Variants in NRG1 observed in about 807,000 individuals in gnomAD.
NRG1 encodes the protein pro-neuregulin-1, membrane-bound isoform.
Under a neutral mutation model 63.8 loss-of-function variants are expected in NRG1, and 18 were observed. The ratio of observed to expected loss-of-function variants is 0.28; its 90% CI spans 0.19 to 0.42. The LOEUF (loss-of-function observed/expected upper bound fraction) is 0.42, where lower values mean the gene tolerates loss of function less well. NRG1 is among the 10% of genes least tolerant of loss of function. The pLI is 1.00. For synonymous variants in NRG1, 302 were observed against 301.3 expected (o/e 1.00, Z -0.02); for missense variants, 762 against 814.7 (o/e 0.94, Z 0.79).
At chr8:32,325,222 T>C (rs75113858) in intron 1 of NRG1, among the ~76,000 whole-genome samples, 3,137 of 152,308 alleles carry the variant, frequency 0.021, 97 homozygotes, top group African/African-American at 0.07. Flanking sequence ...TGAACCTTTA[T>C]TGCAATGTTT....
intron 1 of NRG1, among the ~76,000 whole-genome samples, chr8:32,153,894 T>C (rs1376336061): frequency 1.3e-5 from 2 of 152,186 alleles, no homozygotes; most frequent in African/African-American, 2.4e-5. Flanking sequence ...AATAGCTTAG[T>C]TCTAGGGATC....
intron 1 of NRG1, among the ~76,000 whole-genome samples, chr8:31,739,400 T>C (rs1815037200): frequency 1.3e-5 from 2 of 152,148 alleles, no homozygotes; most frequent in African/African-American, 4.8e-5. Flanking sequence ...TCAGCTCTCC[T>C]TTCCCTTTTG....
At chr8:32,212,727 T>A (rs1844819922) in intron 1 of NRG1, among the ~76,000 whole-genome samples, 1 of 152,182 alleles carries the variant, frequency 6.6e-6, no homozygotes, top group African/African-American at 2.4e-5. Context: ...TTAATATAAA[T>A]CTAGTTCCTA....
intron 1 of NRG1, among the ~76,000 whole-genome samples, chr8:32,215,911 T>G (rs994169354): frequency 4.0e-5 from 6 of 151,862 alleles, no homozygotes; most frequent in Non-Finnish European, 2.9e-5. Context: ...GCTGGTGGTG[T>G]GTGCCTGTAG....
At chr8:32,643,485 A>G (rs985655136) in intron 5 of NRG1, among the ~76,000 whole-genome samples, 1 of 152,194 alleles carries the variant, frequency 6.6e-6, no homozygotes. Context: ...GGCATCTAGC[A>G]GCAGCTGCCG....
At chr8:32,115,055 G>C (rs1832532859) in intron 1 of NRG1, among the ~76,000 whole-genome samples, 1 of 151,696 alleles carries the variant, frequency 6.6e-6, no homozygotes, top group Non-Finnish European at 1.5e-5. Context: ...TTTTCAGATG[G>C]AGTCTTGCTC....
At chr8:32,326,235 C>T (rs1276764168) in intron 1 of NRG1, among the ~76,000 whole-genome samples, 1 of 151,342 alleles carries the variant, frequency 6.6e-6, no homozygotes, top group East Asian at 1.9e-4. Flanking sequence ...GTCTTGAACT[C>T]CTGGCCTTGT....
intron 1 of NRG1, among the ~76,000 whole-genome samples, chr8:31,839,584 T>G (rs1826001592): frequency 6.6e-6 from 1 of 152,312 alleles, no homozygotes; most frequent in African/African-American, 2.4e-5. Flanking sequence ...CTAGAAAACC[T>G]TTCCCCTTCT....
At chr8:31,699,058 G>A (rs1810364209) in intron 1 of NRG1, among the ~76,000 whole-genome samples, 2 of 152,146 alleles carry the variant, frequency 1.3e-5, no homozygotes, top group Admixed American at 1.3e-4. Context: ...AACCTGTAGG[G>A]TATGAGTGAT....
At chr8:32,137,705 C>A (rs1190649928) in intron 1 of NRG1, among the ~76,000 whole-genome samples, 1 of 152,084 alleles carries the variant, frequency 6.6e-6, no homozygotes, top group Non-Finnish European at 1.5e-5. Flanking sequence ...TCCTTGATAA[C>A]CCCTGATGCA....
At chr8:32,072,216 A>G (rs1329284043) in intron 1 of NRG1, among the ~76,000 whole-genome samples, 1 of 151,916 alleles carries the variant, frequency 6.6e-6, no homozygotes, top group South Asian at 2.1e-4. Flanking sequence ...AATTGCCAAA[A>G]TACAAAAGAA....
Position 32,742,014 on chromosome 8 carries a change from A to T in NRG1, c.633-661A>T. Reference sequence around the variant, plus strand: ...CCACATTTTTGCCCTCTAGGTGCCAACCTGGATTCACTGGAGCAAGATGTA... The same window carrying T: ...CCACATTTTTGCCCTCTAGGTGCCATCCTGGATTCACTGGAGCAAGATGTA... On this transcript the variant is annotated intron_variant, in intron 6 of 11. Transcript: ENST00000356819. This position sits in a 1 kb window ranked among gnomAD's most constrained non-coding sequence, Gnocchi z 4.2. The T allele has an allele frequency of 6.2e-7, 1 of 1,613,612 alleles. No individual in the cohort carries two copies.
chr8:32,643,524 G>A (rs571556314), intron 5 of NRG1, among the ~76,000 whole-genome samples: 6 of 152,264 alleles, frequency 3.9e-5, no homozygotes, highest in Admixed American at 1.3e-4. Context: ...CATCTTGAAC[G>A]TTTCCACCTA....
chr8:32,740,190 C>CTTTTTTTTT (rs35219061), intron 6 of NRG1, among the ~76,000 whole-genome samples: 3 of 92,516 alleles, frequency 3.2e-5, no homozygotes, highest in South Asian at 4.2e-4. Context: ...GACCCAACCT[C>CTTTTTTTTT]TTTTTTTTTT....
chr8:32,132,600 T>C (rs1424732589), intron 1 of NRG1, among the ~76,000 whole-genome samples: 1 of 152,100 alleles, frequency 6.6e-6, no homozygotes, highest in African/African-American at 2.4e-5. Context: ...AAGTCCTGTC[T>C]TGATTCTCTG....
intron 1 of NRG1, among the ~76,000 whole-genome samples, chr8:32,005,560 T>C (rs1241964556): frequency 6.6e-6 from 1 of 151,990 alleles, no homozygotes; most frequent in Non-Finnish European, 1.5e-5. Context: ...GTTTAAAATA[T>C]TGCCATCCAG....
intron 1 of NRG1, among the ~76,000 whole-genome samples, chr8:32,143,757 G>C (rs114466586): frequency 6.6e-6 from 1 of 152,206 alleles, no homozygotes; most frequent in Admixed American, 6.5e-5. Flanking sequence ...AAAGTCAACA[G>C]TTTATGCCCA....
intron 1 of NRG1, among the ~76,000 whole-genome samples, chr8:31,718,911 G>C (rs995894910): frequency 2.0e-5 from 3 of 152,126 alleles, no homozygotes; most frequent in East Asian, 3.8e-4. Flanking sequence ...AATTGTTATG[G>C]TAAAAGGTGC....
intron 6 of NRG1, among the ~76,000 whole-genome samples, chr8:32,736,566 AAAT>A (rs1434725613): frequency 2.0e-5 from 3 of 152,246 alleles, no homozygotes; most frequent in African/African-American, 7.2e-5. Context: ...CATAGGCATC[AAAT>A]AATTTCAAAT....
Sources: allele counts gnomAD v4.1 joint callset (sites outside exome capture counted in the v4.1 genomes callset), GRCh38; gene constraint gnomAD v4.1.1; non-coding constraint Gnocchi (gnomAD v3.1); transcripts MANE v1.5; gene names NCBI Gene and HGNC (gene_info 2026-07-23, HGNC 2026-07-21).